Variants in CNTNAP5 observed in about 807,000 individuals in gnomAD.
CNTNAP5 encodes contactin-associated protein-like 5.
In CNTNAP5, 72 loss-of-function variants were observed where a neutral mutation model predicts 150.2. The observed-to-expected ratio is 0.48, with a 90% CI of 0.40 to 0.58. The LOEUF is 0.58. Ranked by LOEUF, CNTNAP5 falls within the 20% of genes least tolerant of loss-of-function variation. The pLI is 0.00. For synonymous variants in CNTNAP5, 672 were observed against 619.8 expected (o/e 1.08, Z -1.25); for missense variants, 1,636 against 1,626.2 (o/e 1.01, Z -0.10).
chr2:124,201,690 G>A (rs1259364054), intron 1 of CNTNAP5, among the ~76,000 whole-genome samples: 1 of 152,198 alleles, frequency 6.6e-6, no homozygotes, highest in African/African-American at 2.4e-5. Context: ...AGGTGCCCCT[G>A]TTGTCTGGTT....
At chr2:124,665,641 C>T (rs955274849) in intron 13 of CNTNAP5, among the ~76,000 whole-genome samples, 9 of 152,112 alleles carry the variant, frequency 5.9e-5, no homozygotes, top group Non-Finnish European at 1.3e-4. Flanking sequence ...AATCCCAGCA[C>T]TTTGGGAGGC....
At chr2:124,143,975 A>G (rs937886958) in intron 1 of CNTNAP5, among the ~76,000 whole-genome samples, 5 of 151,508 alleles carry the variant, frequency 3.3e-5, no homozygotes, top group Non-Finnish European at 7.4e-5. Flanking sequence ...TACAAAAATC[A>G]CAAACATTCT....
intron 3 of CNTNAP5, among the ~76,000 whole-genome samples, chr2:124,360,088 T>G (rs1335064884): frequency 7.1e-6 from 1 of 141,564 alleles, no homozygotes; most frequent in Non-Finnish European, 1.5e-5. Flanking sequence ...TTGATCTTTG[T>G]TGGTTTAAAG....
chr2:124,487,043 G>A lies in CNTNAP5; in HGVS notation c.1062+12161G>A, dbSNP rs564036629. Reference sequence around the variant, plus strand: ...TTATTTCCCTGCCACTTCTTTCTACGTTTGTCTAATACCTTAGTTCAGCTC... The same window carrying A: ...TTATTTCCCTGCCACTTCTTTCTACATTTGTCTAATACCTTAGTTCAGCTC... On this transcript the variant is annotated intron_variant, in intron 7 of 23. Transcript: ENST00000682447. Among the ~76,000 whole-genome samples the A allele has an allele frequency of 8.9e-4, 136 of 152,016 alleles. 1 individual carries two copies. Among genetic ancestry groups the A allele is most frequent in the African/African-American group, 3.1e-3 (129 of 41,464 alleles).
At chr2:124,255,569 TAAAATAAAATAA>T (rs869179443) in intron 3 of CNTNAP5, among the ~76,000 whole-genome samples, 11 of 89,562 alleles carry the variant, frequency 1.2e-4, no homozygotes, top group Admixed American at 2.5e-4. Context: ...TAAAATAAAA[TAAAATAAAATAA>T]AATAATAATT....
chr2:124,267,057 C>T (rs547971072), intron 3 of CNTNAP5, among the ~76,000 whole-genome samples: 2 of 151,438 alleles, frequency 1.3e-5, no homozygotes, highest in South Asian at 4.2e-4. Context: ...TCTGATCTAT[C>T]TCTCCAGTTT....
At chr2:124,204,972 A>G (rs1685826656) in intron 1 of CNTNAP5, among the ~76,000 whole-genome samples, 1 of 152,186 alleles carries the variant, frequency 6.6e-6, no homozygotes, top group South Asian at 2.1e-4. Flanking sequence ...GAAGTTCACT[A>G]AAATGTAAGG....
intron 3 of CNTNAP5, among the ~76,000 whole-genome samples, chr2:124,377,500 C>T (rs568736299): frequency 6.5e-4 from 98 of 151,814 alleles, no homozygotes; most frequent in Non-Finnish European, 1.2e-3. Context: ...TATGATGAAA[C>T]CCTATCTCTA....
chr2:124,387,002 T>A (rs779411731), intron 3 of CNTNAP5, among the ~76,000 whole-genome samples: 1 of 152,192 alleles, frequency 6.6e-6, no homozygotes, highest in Non-Finnish European at 1.5e-5. Context: ...AGCAAGAAGA[T>A]GGTTATCTCT....
intron 13 of CNTNAP5, among the ~76,000 whole-genome samples, chr2:124,669,403 A>G (rs1220059829): frequency 6.6e-6 from 1 of 152,144 alleles, no homozygotes; most frequent in Non-Finnish European, 1.5e-5. Context: ...AGAATGTGAT[A>G]CCCTCCAGTG....
chr2:124,731,528 G>A (rs1366327315), intron 13 of CNTNAP5, among the ~76,000 whole-genome samples: 4 of 151,194 alleles, frequency 2.6e-5, no homozygotes, highest in Non-Finnish European at 5.9e-5. Context: ...GAACAAGAAA[G>A]GTAAAAATAA....
chr2:124,614,188 C>G (rs1677448259), intron 12 of CNTNAP5, among the ~76,000 whole-genome samples: 1 of 152,074 alleles, frequency 6.6e-6, no homozygotes, highest in African/African-American at 2.4e-5. Flanking sequence ...TCCTAGGGCT[C>G]TATAACAAAC....
intron 13 of CNTNAP5, among the ~76,000 whole-genome samples, chr2:124,665,743 G>A (rs948201256): frequency 1.5e-4 from 23 of 152,010 alleles, no homozygotes; most frequent in East Asian, 3.9e-4. Flanking sequence ...AAAATTAGCC[G>A]GGCGTGGTGG....
At position 124,734,370 on chromosome 2, in the gene CNTNAP5, T is replaced by TTG. The variant is rs951874056; in HGVS notation, c.2078-12846_2078-12845dup. Among the ~76,000 whole-genome samples, 21 of 151,902 alleles carry TTG rather than the reference T, an allele frequency of 1.4e-4. 2 individuals are homozygous for TTG. Among genetic ancestry groups the TTG allele is most frequent in the African/African-American group, 5.1e-4 (21 of 41,476 alleles). The stretch of plus-strand genomic sequence containing the variant: ...ACACAGGAATTGGGACCTAGTGACT[T>TTG]TGTGTGTGTGTGTGAAGCAGGGTAA... On this transcript the variant is annotated intron_variant, in intron 13 of 23. Transcript: ENST00000682447.
chr2:124,700,040 T>G (rs2105088812), intron 13 of CNTNAP5, among the ~76,000 whole-genome samples: 1 of 152,286 alleles, frequency 6.6e-6, no homozygotes, highest in Admixed American at 6.5e-5. Context: ...TGGCAACCAT[T>G]AACACTAATC....
intron 1 of CNTNAP5, among the ~76,000 whole-genome samples, chr2:124,209,481 C>T (rs1240278414): frequency 6.6e-6 from 1 of 152,204 alleles, no homozygotes; most frequent in Non-Finnish European, 1.5e-5. Flanking sequence ...TAAGTGCTCA[C>T]AATCTTGAAC....
At chr2:124,592,039 T>C (rs1696696145) in intron 11 of CNTNAP5, among the ~76,000 whole-genome samples, 1 of 152,308 alleles carries the variant, frequency 6.6e-6, no homozygotes, top group East Asian at 1.9e-4. Context: ...GCTTGTAGTG[T>C]TACGTGTGGG....
intron 10 of CNTNAP5, among the ~76,000 whole-genome samples, chr2:124,542,902 C>T (rs751239915): frequency 7.9e-5 from 12 of 152,296 alleles, no homozygotes; most frequent in Admixed American, 2.6e-4. Context: ...AAACTCAACA[C>T]GACTCTTGGT....
chr2:124,385,877 T>C (rs550908493), intron 3 of CNTNAP5, among the ~76,000 whole-genome samples: 1 of 152,370 alleles, frequency 6.6e-6, no homozygotes, highest in Admixed American at 6.5e-5. Context: ...TGTTCTGAGA[T>C]AATACATTCA....
Sources: gnomAD v4.1 joint callset for allele counts (sites outside exome capture counted in the v4.1 genomes callset) on GRCh38, gnomAD v4.1.1 for gene constraint, MANE v1.5 for transcripts, NCBI Gene and HGNC (gene_info 2026-07-23, HGNC 2026-07-21) for gene names.